EYS: variants seen among roughly 807,000 people sequenced by gnomAD.
EYS encodes protein eyes shut homolog.
In EYS, 250 loss-of-function variants were observed where a neutral mutation model predicts 282.1. The ratio of observed to expected loss-of-function variants is 0.89; its 90% CI spans 0.80 to 0.98. The LOEUF (loss-of-function observed/expected upper bound fraction) is 0.98. Ranked by LOEUF, EYS falls within the 50% of genes least tolerant of loss-of-function variation. The pLI is 0.00. For missense variants in EYS, 4,016 were observed against 3,709.0 expected (o/e 1.08, Z -2.15); for synonymous variants, 1,355 against 1,282.9 (o/e 1.06, Z -1.20).
At chr6:63,779,781 G>A (rs185786431) in intron 39 of EYS, among the ~76,000 whole-genome samples, 1 of 150,952 alleles carries the variant, frequency 6.6e-6, no homozygotes, top group African/African-American at 2.4e-5. Context: ...TAAGTTCTAG[G>A]GTACATGTGC....
intron 5 of EYS, among the ~76,000 whole-genome samples, chr6:65,447,654 A>G (rs1026486377): frequency 1.3e-5 from 2 of 151,988 alleles, no homozygotes; most frequent in South Asian, 2.1e-4. Context: ...AAAGATGAAT[A>G]AGAACTGATT....
chr6:63,999,077 G>C lies in EYS; in HGVS notation c.6832C>G (p.Gln2278Glu). 6.5e-7 allele frequency: 1 copy of C among 1,540,748 alleles called. No homozygotes were observed. Among genetic ancestry groups the C allele is most frequent in the Non-Finnish European group, 8.8e-7 (1 of 1,136,686 alleles). ...KKDTEISHAS[Q>E]AYFESMFLGH... ...GAACTGGATATTTGCATACCTACCT[G>C]AGAGGCATGGGAAATCTCTGTGTCT... The change falls in exon 34 of 43, where the codon CAG becomes GAG. Residue 2278 changes from glutamine to glutamate, a missense_variant and splice_region_variant. Coordinates refer to ENST00000503581, the MANE Select transcript of EYS (RefSeq NM_001142800.2).
intron 22 of EYS, among the ~76,000 whole-genome samples, chr6:64,703,410 C>CACAT (rs1447947508): frequency 5.8e-5 from 3 of 51,542 alleles, no homozygotes; most frequent in African/African-American, 1.5e-4. Flanking sequence ...CACACACACA[C>CACAT]ATATATATAT....
intron 40 of EYS, among the ~76,000 whole-genome samples, chr6:63,769,503 T>C (rs1769879746): frequency 6.6e-6 from 1 of 152,118 alleles, no homozygotes. Flanking sequence ...ATGTTATGTA[T>C]CCTTAATTGT....
chr6:64,185,666 CG>C (rs1323673700), intron 31 of EYS, among the ~76,000 whole-genome samples: 1 of 152,114 alleles, frequency 6.6e-6, no homozygotes, highest in African/African-American at 2.4e-5. Flanking sequence ...TAGTGCCAAA[CG>C]GCTCTGTTGT....
chr6:65,501,723 T>C (rs1766459298), intron 2 of EYS, among the ~76,000 whole-genome samples: 1 of 151,732 alleles, frequency 6.6e-6, no homozygotes, highest in African/African-American at 2.4e-5. Context: ...TATATGACAT[T>C]ATAAAAAAGT....
intron 13 of EYS, among the ~76,000 whole-genome samples, chr6:64,997,909 A>G (rs1356038118): frequency 1.3e-5 from 2 of 152,144 alleles, no homozygotes; most frequent in Non-Finnish European, 2.9e-5. Context: ...TAAAAAAAAA[A>G]CTTCAGTTAG....
At chr6:65,224,214 T>A (rs1766555621) in intron 12 of EYS, among the ~76,000 whole-genome samples, 1 of 152,156 alleles carries the variant, frequency 6.6e-6, no homozygotes, top group Non-Finnish European at 1.5e-5. Flanking sequence ...TCATACAAAC[T>A]ATCTTTAGGG....
At chr6:65,504,229 C>T (rs1177831637) in intron 2 of EYS, among the ~76,000 whole-genome samples, 1 of 151,366 alleles carries the variant, frequency 6.6e-6, no homozygotes, top group Non-Finnish European at 1.5e-5. Context: ...TATTATTTTT[C>T]CTTTAAATAT....
intron 12 of EYS, among the ~76,000 whole-genome samples, chr6:65,081,390 C>CTTACT (rs1254591705): frequency 6.6e-6 from 1 of 151,918 alleles, no homozygotes; most frequent in African/African-American, 2.4e-5. Context: ...AACTCATGCC[C>CTTACT]TTACTTGTTC....
chr6:64,196,889 TATA>T (rs1163323084), intron 31 of EYS, among the ~76,000 whole-genome samples: 2 of 151,822 alleles, frequency 1.3e-5, no homozygotes, highest in African/African-American at 4.8e-5. Flanking sequence ...AAACTTAAAG[TATA>T]ATAATAATTT....
At chr6:64,617,664 G>T in intron 23 of EYS, 131 bp from the exon 24 acceptor site, 1 of 637,012 alleles carries the variant, frequency 1.6e-6, no homozygotes, top group Non-Finnish European at 2.8e-6. Context: ...AATTACCTCA[G>T]TGTATCTTCA....
At chr6:64,512,255 A>T (rs574644203) in intron 26 of EYS, among the ~76,000 whole-genome samples, 6 of 152,096 alleles carry the variant, frequency 3.9e-5, no homozygotes, top group Non-Finnish European at 8.8e-5. Context: ...GAGTTAGAAT[A>T]TATTTCATTA....
chr6:65,334,215 A>G (rs1769897341), intron 11 of EYS, among the ~76,000 whole-genome samples: 1 of 151,604 alleles, frequency 6.6e-6, no homozygotes, highest in Non-Finnish European at 1.5e-5. Flanking sequence ...TTATTCTAAT[A>G]CTAGTTTCTT....
chr6:65,105,330 T>C (rs1031495810), intron 12 of EYS, among the ~76,000 whole-genome samples: 1 of 151,744 alleles, frequency 6.6e-6, no homozygotes, highest in African/African-American at 2.4e-5. Flanking sequence ...TTCAAAATTA[T>C]ATTGAGGAAT....
At chr6:64,664,868 C>A (rs1053659863) in intron 22 of EYS, among the ~76,000 whole-genome samples, 1 of 152,066 alleles carries the variant, frequency 6.6e-6, no homozygotes, top group African/African-American at 2.4e-5. Flanking sequence ...GTTTACAAGC[C>A]GTCCAGTTTA....
At chr6:64,936,296 CA>C (rs1583309328) in intron 15 of EYS, among the ~76,000 whole-genome samples, 1 of 151,280 alleles carries the variant, frequency 6.6e-6, no homozygotes, top group Non-Finnish European at 1.5e-5. Context: ...AGGGAATGTC[CA>C]AAATCTGGTA....
At chr6:63,774,504 A>G (rs968956005) in intron 40 of EYS, among the ~76,000 whole-genome samples, 6 of 152,102 alleles carry the variant, frequency 3.9e-5, no homozygotes, top group Non-Finnish European at 8.8e-5. Flanking sequence ...ACATCTGCAT[A>G]TTGTCCTCAG....
chr6:65,157,586 C>T (rs1764757135), intron 12 of EYS, among the ~76,000 whole-genome samples: 1 of 150,494 alleles, frequency 6.6e-6, no homozygotes, highest in South Asian at 2.1e-4. Flanking sequence ...ATAAAAATTA[C>T]TAGAAAAGTA....
Sources: gnomAD v4.1 joint callset for allele counts (sites outside exome capture counted in the v4.1 genomes callset) on GRCh38, gnomAD v4.1.1 for gene constraint, MANE v1.5 for transcripts, NCBI Gene and HGNC (gene_info 2026-07-23, HGNC 2026-07-21) for gene names.